The following PCNT variants were observed in gnomAD, a reference collection of about 807,000 sequenced individuals.
The protein encoded by PCNT is pericentrin, also known as kendrin.
In PCNT, 319 loss-of-function variants were observed where a neutral mutation model predicts 380.4. The ratio of observed to expected loss-of-function variants is 0.84; its 90% confidence interval spans 0.77 to 0.92. The LOEUF (loss-of-function observed/expected upper bound fraction) is 0.92, where lower values mean the gene tolerates loss of function less well. Among genes scored for constraint, PCNT ranks in the 40% least tolerant of loss-of-function variants. The pLI, the probability that PCNT is intolerant of heterozygous loss-of-function variation, is 0.00. For synonymous variants in PCNT, 1,845 were observed against 1,735.2 expected, an observed-to-expected ratio of 1.06 and a Z score of -1.57; for missense variants, 4,400 against 4,255.3, an observed-to-expected ratio of 1.03 and a Z score of -0.95.
At chr21:46,324,985 GCGTACGCTGCCGGGAACCCA>G in intron 1 of PCNT, 1 of 832,336 alleles carries the variant, frequency 1.2e-6, no homozygotes, top group Non-Finnish European at 1.3e-6. Context: ...TCCGGGCCTG[GCGTACGCTGCCGGGAACCCA>G]CGCGGCGCTG....
chr21:46,396,456 A>T (rs1050354977), intron 21 of PCNT, among the ~76,000 whole-genome samples: 1 of 152,226 alleles, frequency 6.6e-6, no homozygotes, highest in Admixed American at 6.5e-5. Flanking sequence ...AAAGCCGCTT[A>T]TTGAGGCATT....
chr21:46,338,188 A>G (rs1023460224), intron 3 of PCNT, among the ~76,000 whole-genome samples: 6 of 152,006 alleles, frequency 3.9e-5, no homozygotes, highest in Admixed American at 2.0e-4. Flanking sequence ...TAAAATTTGC[A>G]TGCTTCTAAG....
intron 21 of PCNT, among the ~76,000 whole-genome samples, chr21:46,392,969 T>C (rs2086083320): frequency 6.6e-6 from 1 of 152,246 alleles, no homozygotes; most frequent in Admixed American, 6.5e-5. Flanking sequence ...TTTAAAAGCC[T>C]GTCTGTGAGT....
chr21:46,339,845 T>C (rs1039942981), intron 3 of PCNT, among the ~76,000 whole-genome samples: 3 of 152,186 alleles, frequency 2.0e-5, no homozygotes, highest in Non-Finnish European at 4.4e-5. Flanking sequence ...ATGATGTCTT[T>C]GATTCTGCTT....
At position 46,402,335 on chromosome 21, in the gene PCNT, T is replaced by C; in HGVS notation, c.4967T>C (p.Leu1656Ser). The part of the protein sequence containing the change: ...RALLRRESEV[L>S]DLKEQLEKMK... ...CTTCTTTTGTTTTAATGAAAGGTTT[T>C]GGACTTAAAAGAACAGCTAGAAAAG... Residue 1656 changes from leucine to serine, a missense_variant, in exon 27 of 47, where the codon TTG (leucine) becomes TCG (serine). Transcript: ENST00000359568. 6.3e-7 allele frequency: 1 copy of C among 1,597,848 alleles called. No individual in the cohort carries two copies. The highest frequency in any genetic ancestry group is 2.2e-5 in the East Asian group (1 of 44,800).
In PCNT at chr21:46,334,557, G is replaced by C. The variant is rs58106867; in HGVS notation, c.428G>C (p.Arg143Pro). The C allele has an allele frequency of 6.6e-7, 1 of 1,509,834 alleles. No individual in the cohort carries two copies. Among genetic ancestry groups the C allele is most frequent in the Non-Finnish European group, 9.1e-7 (1 of 1,103,004 alleles). 93.5% of individuals were successfully genotyped at this position (1,509,834 alleles called of 1,614,324 possible). ...FTVGDHPPEQ[R>P]GMFTVSDHPP... Reference sequence around the variant, plus strand: ...GTCGGTGACCACCCACCAGAACAGCGTGGGATGTTCACAGTCAGTGACCAC... The same window carrying C: ...GTCGGTGACCACCCACCAGAACAGCCTGGGATGTTCACAGTCAGTGACCAC... The change falls in exon 3 of 47, where the codon CGT becomes CCT. Residue 143 changes from arginine to proline, a missense_variant. By Grantham distance (103) the Arg-to-Pro change is moderately radical. Coordinates refer to ENST00000359568, the MANE Select transcript of PCNT (RefSeq NM_006031.6).
rs1446007982 is a variant in PCNT, at chr21:46,401,665, G to A, written c.4906G>A (p.Gly1636Ser). 6.2e-7 allele frequency: 1 copy of A among 1,614,076 alleles called. No homozygotes were observed. Among genetic ancestry groups the A allele is most frequent in the Admixed American group, 1.7e-5 (1 of 59,996 alleles). ...PEPPSGSPPE[G>S]PEIQLEVTQR... ...GCCTCCTTCGGGCAGCCCTCCTGAG[G>A]GTCCAGAAATACAGTTAGAGGTGAC... The change falls in exon 26 of 47, where the codon GGT (glycine) becomes AGT (serine). Residue 1636 changes from glycine (G) to serine (S), a missense_variant. Transcript: ENST00000359568.
At chr21:46,436,942 C>A in intron 39 of PCNT, 37 bp from the exon 40 acceptor site, 1 of 1,408,992 alleles carries the variant, frequency 7.1e-7, no homozygotes, top group Non-Finnish European at 1.0e-6. Context: ...TCACTTGGGG[C>A]GCGTATGCAA....
chr21:46,381,559 G>A (rs1483413793), intron 15 of PCNT, 135 bp from the exon 16 acceptor site: 3 of 795,982 alleles, frequency 3.8e-6, no homozygotes, highest in East Asian at 5.0e-5. Context: ...TGGGGGCTGT[G>A]GTCTGGCTCA....
intron 33 of PCNT, among the ~76,000 whole-genome samples, chr21:46,427,400 T>C (rs769976567): frequency 1.6e-4 from 24 of 152,318 alleles, no homozygotes; most frequent in Non-Finnish European, 2.5e-4. Context: ...GATTCTGGTG[T>C]AGGCGCCCTT....
intron 38 of PCNT, among the ~76,000 whole-genome samples, 161 bp from the exon 39 acceptor site, chr21:46,435,743 T>C (rs1182449498): frequency 6.6e-6 from 1 of 151,926 alleles, no homozygotes; most frequent in African/African-American, 2.4e-5. Context: ...GGGGTTTCAC[T>C]GTGTTGGCCA....
At chr21:46,331,970 G>A (rs967978683) in intron 2 of PCNT, among the ~76,000 whole-genome samples, 1 of 152,280 alleles carries the variant, frequency 6.6e-6, no homozygotes, top group East Asian at 1.9e-4. Flanking sequence ...GACCAGCCTG[G>A]CCAACGTGGT....
At chr21:46,433,080 G>A (rs1765043806) in intron 38 of PCNT, among the ~76,000 whole-genome samples, 1 of 152,182 alleles carries the variant, frequency 6.6e-6, no homozygotes, top group Non-Finnish European at 1.5e-5. Context: ...CAACAATGTT[G>A]AATAGAAGGG....
At chr21:46,430,895 C>A (rs549655294) in intron 37 of PCNT, 29 of 984,194 alleles carry the variant, frequency 2.9e-5, no homozygotes, top group Admixed American at 1.2e-4. Context: ...TGCTCGGAGC[C>A]CCCCCCCGTC....
intron 4 of PCNT, 59 bp from the exon 5 acceptor site, chr21:46,346,684 C>T: frequency 1.3e-6 from 2 of 1,553,110 alleles, no homozygotes; most frequent in Non-Finnish European, 1.7e-6. Flanking sequence ...TTCTGTGTCT[C>T]CCTGATGCGC....
chr21:46,442,148 ATG>A, intron 43 of PCNT, among the ~76,000 whole-genome samples: 1 of 152,224 alleles, frequency 6.6e-6, no homozygotes, highest in East Asian at 1.9e-4. Context: ...CGGGAGCGGC[ATG>A]TGTTTCCTAG....
At chr21:46,389,809 A>G (rs999652285) in intron 19 of PCNT, among the ~76,000 whole-genome samples, 4 of 152,248 alleles carry the variant, frequency 2.6e-5, no homozygotes, top group Non-Finnish European at 5.9e-5. Flanking sequence ...TCAGCCAGGC[A>G]CAGCGGCTCA....
intron 27 of PCNT, among the ~76,000 whole-genome samples, chr21:46,408,391 T>C (rs570827134): frequency 6.6e-6 from 1 of 152,378 alleles, no homozygotes; most frequent in South Asian, 2.1e-4. Flanking sequence ...AGAAAATAAA[T>C]GTTCACTTCT....
intron 3 of PCNT, among the ~76,000 whole-genome samples, chr21:46,339,732 C>A (rs1472291945): frequency 6.6e-6 from 1 of 152,196 alleles, no homozygotes; most frequent in Non-Finnish European, 1.5e-5. Flanking sequence ...AAATTTTAAT[C>A]TCCTTTGGCA....
Sources: gnomAD v4.1 joint callset for allele counts (sites outside exome capture counted in the v4.1 genomes callset) on GRCh38, gnomAD v4.1.1 for gene constraint, MANE v1.5 for transcripts, NCBI Gene and HGNC (gene_info 2026-07-23, HGNC 2026-07-21) for gene names.